The following TRIM35 variants were observed in gnomAD, a reference collection of about 807,000 sequenced individuals.
The protein encoded by TRIM35 is E3 ubiquitin-protein ligase TRIM35.
A neutral mutation model predicts 49.1 loss-of-function variants in TRIM35; 37 were observed. That is an observed-to-expected ratio of 0.75 (90% CI 0.58 to 0.99). The LOEUF (loss-of-function observed/expected upper bound fraction) is 0.99, where lower values mean the gene tolerates loss of function less well. TRIM35 is among the 50% of genes least tolerant of loss of function. The probability of loss-of-function intolerance (pLI) is 0.00; values close to 1 mark genes in which losing one functional copy is unlikely to be tolerated. For missense variants in TRIM35, 648 were observed against 702.7 expected, an observed-to-expected ratio of 0.92 and a Z score of 0.88; for synonymous variants, 302 against 289.3, an observed-to-expected ratio of 1.04 and a Z score of -0.45.
intron 2 of TRIM35, among the ~76,000 whole-genome samples, chr8:27,297,504 C>A (rs756436488): frequency 5.3e-5 from 8 of 152,192 alleles, no homozygotes; most frequent in Non-Finnish European, 8.8e-5. Flanking sequence ...CTCATTCAAT[C>A]AACAATTTTT....
intron 1 of TRIM35, among the ~76,000 whole-genome samples, chr8:27,303,317 C>T (rs1487096915): frequency 2.6e-5 from 4 of 152,096 alleles, no homozygotes; most frequent in Non-Finnish European, 4.4e-5. Context: ...ATTTGTCTTG[C>T]TTATTCTATT....
chr8:27,290,819 A>C (rs1299146118), intron 3 of TRIM35, among the ~76,000 whole-genome samples: 1 of 152,186 alleles, frequency 6.6e-6, no homozygotes, highest in African/African-American at 2.4e-5. Flanking sequence ...CATCTTGAAA[A>C]AGAAGAACAT....
intron 1 of TRIM35, among the ~76,000 whole-genome samples, chr8:27,307,597 C>T (rs939836814): frequency 3.9e-5 from 6 of 152,188 alleles, no homozygotes; most frequent in Admixed American, 3.9e-4. Flanking sequence ...TGGCACACAA[C>T]CAGTACCTTC....
intron 3 of TRIM35, among the ~76,000 whole-genome samples, chr8:27,292,355 A>C (rs1243259769): frequency 6.6e-6 from 1 of 152,212 alleles, no homozygotes; most frequent in Admixed American, 6.5e-5. Flanking sequence ...AGCACACTCC[A>C]TGACACTTGC....
chr8:27,300,392 T>C (rs1035648023), intron 1 of TRIM35, among the ~76,000 whole-genome samples: 1 of 145,612 alleles, frequency 6.9e-6, no homozygotes, highest in East Asian at 2.0e-4. Flanking sequence ...TGCTAGGAAA[T>C]AGAGAACTAG....
At chr8:27,302,571 T>C (rs985420273) in intron 1 of TRIM35, among the ~76,000 whole-genome samples, 2 of 152,130 alleles carry the variant, frequency 1.3e-5, no homozygotes, top group African/African-American at 4.8e-5. Flanking sequence ...CACACCTGGC[T>C]AATTTGTTTT....
intron 2 of TRIM35, 146 bp downstream of exon 2, chr8:27,298,318 T>C (rs1563441637): frequency 2.9e-6 from 2 of 693,556 alleles, no homozygotes; most frequent in East Asian, 2.7e-5. Context: ...ATCCAGGACG[T>C]GGCTGCACAG....
chr8:27,301,727 C>A (rs1366117777), intron 1 of TRIM35, among the ~76,000 whole-genome samples: 1 of 152,012 alleles, frequency 6.6e-6, no homozygotes, highest in Non-Finnish European at 1.5e-5. Context: ...TTAAGAAACA[C>A]CTCCCTACAC....
intron 4 of TRIM35, among the ~76,000 whole-genome samples, chr8:27,289,642 G>A (rs146813737): frequency 6.6e-6 from 1 of 152,268 alleles, no homozygotes; most frequent in Non-Finnish European, 1.5e-5. Flanking sequence ...ACAATCCCAA[G>A]GTGTCCTCCA....
chr8:27,303,282 T>C lies in TRIM35; in HGVS notation c.436-4723A>G, dbSNP rs559621023. Among the ~76,000 whole-genome samples the C allele has an allele frequency of 4.6e-5, 7 of 152,354 alleles. No homozygotes were observed. The South Asian group carries it at 1.2e-3, about 27-fold the overall frequency. ...ACATAATTACCGATATGTTTGCATT[T>C]AAATCTGCCACCTTGTTCTGAGCTA... On this transcript the variant is annotated intron_variant, in intron 1 of 5. Transcript: ENST00000305364.
In TRIM35 at chr8:27,287,838, A is replaced by C; in HGVS notation, c.1194T>G (p.Tyr398Ter). ...CYHDTRSGFW[Y>*]VCRTQGVEGD... is the part of the protein sequence containing the mutation. The stretch of plus-strand genomic sequence containing the variant: ...CCTCCACGCCCTGCGTGCGGCAGAC[A>C]TACCAGAAGCCCGAGCGTGTGTCGT... Residue 398 changes from tyrosine to a stop codon, truncating the protein, a stop_gained, in exon 6 of 6, where the codon TAT becomes TAG. Coordinates refer to ENST00000305364, the MANE Select transcript of TRIM35 (RefSeq NM_171982.5). LOFTEE classifies it high-confidence loss of function. This position sits in a 1 kb window ranked among gnomAD's most constrained non-coding sequence, Gnocchi z 6.0. 6.2e-7 allele frequency: 1 copy of C among 1,612,806 alleles called. No individual in the cohort carries two copies. The highest frequency in any genetic ancestry group is 2.2e-5 in the East Asian group (1 of 44,820).
chr8:27,303,580 G>A (rs1802722454), intron 1 of TRIM35, among the ~76,000 whole-genome samples: 1 of 152,246 alleles, frequency 6.6e-6, no homozygotes, highest in South Asian at 2.1e-4. Context: ...GAGATGGGCA[G>A]TAGCAGGGGC....
At chr8:27,308,078 G>A (rs1203194032) in intron 1 of TRIM35, among the ~76,000 whole-genome samples, 1 of 152,170 alleles carries the variant, frequency 6.6e-6, no homozygotes, top group Non-Finnish European at 1.5e-5. Context: ...AGAGCTGGAA[G>A]AAGGGGCCTC....
At chr8:27,293,726 T>C (rs931132882) in intron 3 of TRIM35, among the ~76,000 whole-genome samples, 31 of 152,020 alleles carry the variant, frequency 2.0e-4, no homozygotes, top group African/African-American at 7.5e-4. Flanking sequence ...TGGTGGCTCG[T>C]GCCTGTAGTC....
At position 27,297,228 on chromosome 8, in the gene TRIM35, A is replaced by G. The variant is rs141768373; in HGVS notation, c.531+1236T>C. 5.0e-3 allele frequency among the ~76,000 whole-genome samples: 768 copies of G among 152,266 alleles called. 9 individuals carry two copies. Among genetic ancestry groups the G allele is most frequent in the African/African-American group, 0.018 (744 of 41,526 alleles). Reference sequence around the variant, plus strand: ...CACCTATGGACACATGGTGGAGGGGACCGCAGGCTCCTGAGGACAGCGCCC... The same window carrying G: ...CACCTATGGACACATGGTGGAGGGGGCCGCAGGCTCCTGAGGACAGCGCCC... On this transcript the variant is annotated intron_variant, in intron 2 of 5. Transcript: ENST00000305364.
intron 1 of TRIM35, among the ~76,000 whole-genome samples, chr8:27,300,660 C>T (rs1038384671): frequency 1.3e-5 from 2 of 152,210 alleles, no homozygotes; most frequent in African/African-American, 2.4e-5. Flanking sequence ...TCATTTTCTG[C>T]AGTTCTGTTT....
At chr8:27,294,552 C>T (rs1802527623) in intron 2 of TRIM35, among the ~76,000 whole-genome samples, 1 of 152,206 alleles carries the variant, frequency 6.6e-6, no homozygotes, top group Non-Finnish European at 1.5e-5. Flanking sequence ...AAAATCACAG[C>T]TTATATAGAT....
intron 2 of TRIM35, among the ~76,000 whole-genome samples, chr8:27,297,828 G>A (rs1173625511): frequency 6.6e-6 from 1 of 152,224 alleles, no homozygotes; most frequent in Non-Finnish European, 1.5e-5. Context: ...AGTAAATGAG[G>A]TTGAGGATAG....
intron 1 of TRIM35, among the ~76,000 whole-genome samples, chr8:27,302,292 A>G (rs1236696168): frequency 1.3e-5 from 2 of 152,224 alleles, no homozygotes; most frequent in Non-Finnish European, 2.9e-5. Context: ...CACACCAGTT[A>G]CTTAATGTTC....
Sources: gnomAD v4.1 joint callset for allele counts (sites outside exome capture counted in the v4.1 genomes callset) on GRCh38, gnomAD v4.1.1 for gene constraint, Gnocchi (gnomAD v3.1) non-coding constraint, MANE v1.5 for transcripts, NCBI Gene and HGNC (gene_info 2026-07-23, HGNC 2026-07-21) for gene names.